The following OPCML variants were observed in gnomAD, a reference collection of about 807,000 sequenced individuals.
OPCML encodes the protein opioid-binding protein/cell adhesion molecule.
A neutral mutation model predicts 37.8 loss-of-function variants in OPCML; 13 were observed. That is an observed-to-expected ratio of 0.34 (90% CI 0.22 to 0.55). The LOEUF (loss-of-function observed/expected upper bound fraction) is 0.55, where lower values mean the gene tolerates loss of function less well. Ranked by LOEUF, OPCML falls within the 20% of genes least tolerant of loss-of-function variation. The pLI, the probability that OPCML is intolerant of heterozygous loss-of-function variation, is 0.91. For synonymous variants in OPCML, 176 were observed against 168.8 expected (o/e 1.04, Z -0.33); for missense variants, 341 against 435.6 (o/e 0.78, Z 1.93).
chr11:133,178,635 CA>C (rs1364312729), intron 1 of OPCML, among the ~76,000 whole-genome samples: 1 of 152,062 alleles, frequency 6.6e-6, no homozygotes, highest in Non-Finnish European at 1.5e-5. Flanking sequence ...GACAGTTTCA[CA>C]ACCAGGACAG....
chr11:133,034,466 GT>G (rs1485842598), intron 1 of OPCML, among the ~76,000 whole-genome samples: 1 of 152,166 alleles, frequency 6.6e-6, no homozygotes, highest in Non-Finnish European at 1.5e-5. Context: ...CTTATGAAAT[GT>G]AAAGGTTTAT....
chr11:133,024,837 G>C, intron 1 of OPCML: 1 of 985,370 alleles, frequency 1.0e-6, no homozygotes, highest in South Asian at 4.7e-5. Flanking sequence ...ACCTGGTGAG[G>C]GAAAGGACCT....
chr11:132,719,845 G>C (rs1017584694), intron 2 of OPCML, among the ~76,000 whole-genome samples: 4 of 152,210 alleles, frequency 2.6e-5, no homozygotes, highest in Non-Finnish European at 5.9e-5. Context: ...AAATGAGCTT[G>C]AGCTCCGAGT....
intron 1 of OPCML, among the ~76,000 whole-genome samples, chr11:133,508,539 C>T (rs73025673): frequency 0.091 from 13,879 of 152,248 alleles, 1,169 homozygotes; most frequent in African/African-American, 0.23. Flanking sequence ...AGCCATGGCC[C>T]TGGCTGACCT....
At chr11:132,968,413 A>G (rs956217908) in intron 1 of OPCML, among the ~76,000 whole-genome samples, 9 of 152,164 alleles carry the variant, frequency 5.9e-5, no homozygotes, top group South Asian at 2.1e-4. Flanking sequence ...AGGGCATCCA[A>G]TGGAAAGGGG....
intron 2 of OPCML, among the ~76,000 whole-genome samples, chr11:132,738,005 C>A (rs1393504609): frequency 6.6e-6 from 1 of 152,148 alleles, no homozygotes; most frequent in Non-Finnish European, 1.5e-5. Flanking sequence ...CCTCATCTAA[C>A]TGCTCAATAT....
rs561775440 is a variant in OPCML, at chr11:133,481,501, A to T, written c.61+50763T>A. Among the ~76,000 whole-genome samples the T allele has an allele frequency of 2.2e-4, 34 of 152,226 alleles. No homozygotes were observed. The South Asian group carries it at 6.6e-3, about 30-fold the overall frequency. Reference sequence around the variant, plus strand: ...TAAATGTATGTATGTAACTGTGGCTACAATTTTAGATAGAGAAAATAAAAT... The same window carrying T: ...TAAATGTATGTATGTAACTGTGGCTTCAATTTTAGATAGAGAAAATAAAAT... On this transcript the variant is annotated intron_variant, in intron 1 of 7. Coordinates refer to ENST00000524381, the MANE Select transcript of OPCML (RefSeq NM_001012393.5).
chr11:132,843,092 CT>C (rs56036372), intron 2 of OPCML, among the ~76,000 whole-genome samples: 33 of 123,292 alleles, frequency 2.7e-4, no homozygotes, highest in Admixed American at 5.8e-4. Context: ...CTTTTTCTTT[CT>C]TTTTTTTTTT....
chr11:132,993,780 G>A (rs993582639), intron 1 of OPCML, among the ~76,000 whole-genome samples: 1 of 152,104 alleles, frequency 6.6e-6, no homozygotes, highest in Admixed American at 6.5e-5. Flanking sequence ...TTATGTGTTC[G>A]GATCATTTCT....
At chr11:133,035,802 T>C (rs577270410) in intron 1 of OPCML, among the ~76,000 whole-genome samples, 2 of 152,104 alleles carry the variant, frequency 1.3e-5, no homozygotes, top group Non-Finnish European at 2.9e-5. Flanking sequence ...TTTGGACACA[T>C]AAATGAGTAT....
At chr11:132,821,796 C>T (rs1462320744) in intron 2 of OPCML, among the ~76,000 whole-genome samples, 1 of 152,132 alleles carries the variant, frequency 6.6e-6, no homozygotes, top group Admixed American at 6.5e-5. Flanking sequence ...CTTCTCACCC[C>T]TCCCCACTAA....
At chr11:133,476,803 C>T (rs1230522700) in intron 1 of OPCML, among the ~76,000 whole-genome samples, 1 of 152,176 alleles carries the variant, frequency 6.6e-6, no homozygotes, top group Non-Finnish European at 1.5e-5. Context: ...TTCACACCCC[C>T]GCTGGCTCTC....
chr11:132,552,053 C>T (rs956176122), intron 3 of OPCML, among the ~76,000 whole-genome samples: 1 of 152,056 alleles, frequency 6.6e-6, no homozygotes, highest in Non-Finnish European at 1.5e-5. Flanking sequence ...AGCACTTGTT[C>T]GCAAATGTGA....
At chr11:133,002,851 A>C (rs1316129962) in intron 1 of OPCML, among the ~76,000 whole-genome samples, 2 of 151,942 alleles carry the variant, frequency 1.3e-5, no homozygotes, top group East Asian at 3.9e-4. Flanking sequence ...AAGACCTTTT[A>C]CTCAACTTTG....
intron 2 of OPCML, among the ~76,000 whole-genome samples, chr11:132,675,500 T>C (rs1942663577): frequency 2.0e-5 from 3 of 152,026 alleles, no homozygotes; most frequent in Admixed American, 2.0e-4. Flanking sequence ...TAAAAATATG[T>C]CTCTGCGAAT....
intron 1 of OPCML, among the ~76,000 whole-genome samples, chr11:133,220,785 A>AAAGG (rs1939783627): frequency 6.6e-6 from 1 of 152,038 alleles, no homozygotes; most frequent in Non-Finnish European, 1.5e-5. Flanking sequence ...TCTGGACTCC[A>AAAGG]AAGGAGCTTC....
chr11:133,406,132 A>G (rs1037842213), intron 1 of OPCML, among the ~76,000 whole-genome samples: 3 of 152,128 alleles, frequency 2.0e-5, no homozygotes, highest in African/African-American at 7.2e-5. Flanking sequence ...TATTATGATT[A>G]TTGTTATGAT....
intron 2 of OPCML, among the ~76,000 whole-genome samples, chr11:132,756,746 T>A (rs1394187417): frequency 6.6e-6 from 1 of 152,216 alleles, no homozygotes; most frequent in Non-Finnish European, 1.5e-5. Flanking sequence ...AATGCCGTAC[T>A]AAGAACCAGA....
At chr11:132,825,237 T>C (rs1186218966) in intron 2 of OPCML, among the ~76,000 whole-genome samples, 1 of 152,220 alleles carries the variant, frequency 6.6e-6, no homozygotes, top group African/African-American at 2.4e-5. Flanking sequence ...ATTTGTTTAT[T>C]ACATGGATGA....
Sources: gnomAD v4.1 joint callset for allele counts (sites outside exome capture counted in the v4.1 genomes callset) on GRCh38, gnomAD v4.1.1 for gene constraint, MANE v1.5 for transcripts, NCBI Gene and HGNC (gene_info 2026-07-23, HGNC 2026-07-21) for gene names.